The following FRMPD4 variants were observed in gnomAD, a reference collection of about 807,000 sequenced individuals.
The protein encoded by FRMPD4 is FERM and PDZ domain containing 4, also known as FERM and PDZ domain-containing protein 4.
FRMPD4 carries 22 observed loss-of-function variants against 94.1 expected under a neutral mutation model. The observed-to-expected ratio is 0.23, with a 90% CI of 0.17 to 0.33. The LOEUF is 0.33. Among genes scored for constraint, FRMPD4 ranks in the 10% least tolerant of loss-of-function variants. The pLI is 1.00. For missense variants in FRMPD4, 1,111 were observed against 1,339.9 expected, an observed-to-expected ratio of 0.83 and a Z score of 2.67; for synonymous variants, 631 against 548.6, an observed-to-expected ratio of 1.15 and a Z score of -2.10.
intron 1 of FRMPD4, among the ~76,000 whole-genome samples, chrX:12,227,374 C>T: frequency 8.9e-6 from 1 of 112,141 alleles, no homozygotes. Context: ...GAGAGGCTAA[C>T]AGGAACTAGT....
chrX:12,477,463 TAAAA>T (rs1190646492), intron 1 of FRMPD4, among the ~76,000 whole-genome samples: 1 of 112,003 alleles, frequency 8.9e-6, no homozygotes, highest in Non-Finnish European at 1.9e-5. Flanking sequence ...ATAATAGTAA[TAAAA>T]AAAGAAAGTA....
At chrX:12,325,147 A>G (rs762251965) in intron 1 of FRMPD4, among the ~76,000 whole-genome samples, 4 of 112,620 alleles carry the variant, frequency 3.6e-5, no homozygotes, top group Non-Finnish European at 5.6e-5. Context: ...AAACTTTCCT[A>G]TACTATTTTT....
At chrX:12,188,316 A>C (rs935655133) in intron 1 of FRMPD4, among the ~76,000 whole-genome samples, 1 of 112,031 alleles carries the variant, frequency 8.9e-6, no homozygotes, top group Non-Finnish European at 1.9e-5. Context: ...TCCCTCTTGC[A>C]CTGTAACTTT....
At chrX:12,417,392 A>C (rs1266835384) in intron 1 of FRMPD4, among the ~76,000 whole-genome samples, 1 of 109,002 alleles carries the variant, frequency 9.2e-6, no homozygotes, top group Non-Finnish European at 1.9e-5. Context: ...CAGCCTGGCC[A>C]ACATGGTGAA....
chrX:12,451,280 C>T (rs993277235), intron 1 of FRMPD4, among the ~76,000 whole-genome samples: 1 of 111,950 alleles, frequency 8.9e-6, no homozygotes, highest in African/African-American at 3.2e-5. Flanking sequence ...TCAGCTCATC[C>T]CTGCCCCCCT....
At position 12,519,317 on chromosome X, in the gene FRMPD4, C is replaced by G. The variant is rs1233202983; in HGVS notation, c.158+20521C>G. Among the ~76,000 whole-genome samples, 8 of 112,184 alleles carry G rather than the reference C, an allele frequency of 7.1e-5. No individual in the cohort carries two copies. In the Admixed American group the frequency reaches 7.5e-4, roughly 11 times the overall value. The stretch of plus-strand genomic sequence containing the variant: ...AAAATATTATAAAAGCTTTGGTAAT[C>G]AAAACAGTGTGATAGTGGTATAAAG... On this transcript the variant is annotated intron_variant, in intron 2 of 16. Transcript: ENST00000675598.
intron 1 of FRMPD4, among the ~76,000 whole-genome samples, chrX:12,150,637 A>G (rs1384693976): frequency 3.6e-5 from 4 of 112,115 alleles, no homozygotes; most frequent in African/African-American, 1.3e-4. Context: ...TATATGCTCT[A>G]TATTTTAAAA....
chrX:11,912,020 A>T (rs2053999292), intron 3 of FRMPD4, among the ~76,000 whole-genome samples: 1 of 111,354 alleles, frequency 9.0e-6, no homozygotes, highest in Non-Finnish European at 1.9e-5. Context: ...AGAGATTAGC[A>T]GTACATAGAG....
chrX:12,517,189 T>G (rs1412855796), intron 2 of FRMPD4, among the ~76,000 whole-genome samples: 1 of 111,349 alleles, frequency 9.0e-6, no homozygotes, highest in Non-Finnish European at 1.9e-5. Context: ...TTACCCACCT[T>G]CTGAAGCCTA....
chrX:12,643,333 G>A, intron 4 of FRMPD4, among the ~76,000 whole-genome samples: 1 of 111,074 alleles, frequency 9.0e-6, no homozygotes, highest in Non-Finnish European at 1.9e-5. Flanking sequence ...ACGTTGGCCA[G>A]TCTGGTCTCA....
At chrX:12,033,540 G>A (rs2054703513) in intron 3 of FRMPD4, among the ~76,000 whole-genome samples, 1 of 111,165 alleles carries the variant, frequency 9.0e-6, no homozygotes, top group Non-Finnish European at 1.9e-5. Flanking sequence ...AAATTAATAT[G>A]TGCTAGAGAG....
chrX:11,862,975 T>G (rs1350548696), intron 1 of FRMPD4, among the ~76,000 whole-genome samples: 1 of 97,771 alleles, frequency 1.0e-5, no homozygotes, highest in African/African-American at 4.0e-5. Flanking sequence ...TTTTTTTTTT[T>G]TTTTTTTGAT....
intron 2 of FRMPD4, among the ~76,000 whole-genome samples, chrX:12,561,216 A>T (rs987828956): frequency 7.1e-5 from 8 of 112,343 alleles, no homozygotes; most frequent in African/African-American, 2.6e-4. Flanking sequence ...CCACTTTTTC[A>T]ATCAATTGAG....
Position 12,138,637 on chromosome X carries a change from C to G in FRMPD4, c.-335C>G. 1 of 290,533 alleles carries G rather than the reference C, an allele frequency of 3.4e-6. No individual in the cohort carries two copies. The highest frequency in any genetic ancestry group is 6.0e-6 in the Non-Finnish European group (1 of 165,995). 23.9% of individuals were successfully genotyped at this position (290,533 alleles called of 1,213,427 possible). ...CTTTCTCTGGACGCCCGGCAGTCCCCGGGGCTAGAGCGCACGGGGCGGGGC... is the reference window on the plus strand; with the variant it reads ...CTTTCTCTGGACGCCCGGCAGTCCCGGGGGCTAGAGCGCACGGGGCGGGGC... On this transcript the variant is annotated 5_prime_UTR_variant, in exon 1 of 17. Coordinates refer to ENST00000675598, the MANE Select transcript of FRMPD4 (RefSeq NM_001368397.1).
intron 5 of FRMPD4, among the ~76,000 whole-genome samples, chrX:12,677,717 T>TA (rs2059914204): frequency 8.9e-6 from 1 of 111,884 alleles, no homozygotes; most frequent in African/African-American, 3.3e-5. Flanking sequence ...CCAATGTTTA[T>TA]ACCTTCCGGC....
intron 5 of FRMPD4, among the ~76,000 whole-genome samples, chrX:12,681,696 T>TACACACACACAC (rs35651585): frequency 9.6e-6 from 1 of 104,027 alleles, no homozygotes; most frequent in East Asian, 3.1e-4. Flanking sequence ...CCATCCAGGA[T>TACACACACACAC]ACACACACAC....
chrX:11,947,553 T>C (rs192073702), intron 3 of FRMPD4, among the ~76,000 whole-genome samples: 18 of 111,681 alleles, frequency 1.6e-4, no homozygotes, highest in African/African-American at 5.5e-4. Flanking sequence ...AAAGAGAACA[T>C]AAGAGGTGAA....
chrX:11,955,517 C>T (rs943668406), intron 3 of FRMPD4, among the ~76,000 whole-genome samples: 11 of 107,196 alleles, frequency 1.0e-4, no homozygotes, highest in African/African-American at 1.8e-4. Flanking sequence ...TTTGGGAGGC[C>T]GAGGTGGGCG....
intron 1 of FRMPD4, among the ~76,000 whole-genome samples, chrX:12,191,767 G>C (rs1423235218): frequency 8.9e-6 from 1 of 111,789 alleles, no homozygotes; most frequent in African/African-American, 3.2e-5. Flanking sequence ...GTGGAACCCA[G>C]AGGGTTTTTA....
Sources: gnomAD v4.1 joint callset for allele counts (sites outside exome capture counted in the v4.1 genomes callset) on GRCh38, gnomAD v4.1.1 for gene constraint, MANE v1.5 for transcripts, NCBI Gene and HGNC (gene_info 2026-07-23, HGNC 2026-07-21) for gene names.